EPB41L1: variants seen among roughly 807,000 people sequenced by gnomAD.
EPB41L1 encodes the protein erythrocyte membrane protein band 4.1 like 1, also known as band 4.1-like protein 1.
EPB41L1 carries 29 observed loss-of-function variants against 97.8 expected under a neutral mutation model. The ratio of observed to expected loss-of-function variants is 0.30; its 90% CI spans 0.22 to 0.40. The LOEUF (loss-of-function observed/expected upper bound fraction) is 0.40. EPB41L1 is among the 10% of genes least tolerant of loss of function. The pLI is 1.00. For synonymous variants in EPB41L1, 383 were observed against 459.2 expected (o/e 0.83, Z 2.12); for missense variants, 812 against 1,162.3 (o/e 0.70, Z 4.38).
intron 2 of EPB41L1, among the ~76,000 whole-genome samples, chr20:36,130,787 T>TTCTCTC (rs35428172): frequency 3.1e-4 from 45 of 143,754 alleles, no homozygotes; most frequent in African/African-American, 4.9e-4. Flanking sequence ...TTTTAAAAAT[T>TTCTCTC]TCTCTCTCTC....
chr20:36,192,368 T>G (rs569200930), intron 11 of EPB41L1, among the ~76,000 whole-genome samples: 2 of 151,872 alleles, frequency 1.3e-5, no homozygotes, highest in South Asian at 4.2e-4. Context: ...TCGTCTCTAC[T>G]AAAAATACAA....
intron 14 of EPB41L1, among the ~76,000 whole-genome samples, chr20:36,201,170 C>T (rs1363996185): frequency 6.6e-6 from 1 of 152,216 alleles, no homozygotes; most frequent in Non-Finnish European, 1.5e-5. Flanking sequence ...CCATAAAGGG[C>T]CAGCCCCTCC....
chr20:36,202,158 GC>G (rs936793725), intron 14 of EPB41L1, among the ~76,000 whole-genome samples: 2 of 152,206 alleles, frequency 1.3e-5, no homozygotes, highest in African/African-American at 4.8e-5. Flanking sequence ...AAGGACAGGT[GC>G]CCATTTGGGG....
In EPB41L1 at chr20:36,195,508, C is replaced by T. The variant is rs1324444086; in HGVS notation, c.1485+144C>T. 1.0e-6 allele frequency: 1 copy of T among 987,992 alleles called. No individual in the cohort carries two copies. The highest frequency in any genetic ancestry group is 1.6e-6 in the Non-Finnish European group (1 of 638,998). 61.2% of individuals were successfully genotyped at this position (987,992 alleles called of 1,614,324 possible). A position where few individuals can be genotyped will look rare whatever the true frequency, so the allele number is the denominator to read the frequency against. On this transcript the variant is annotated intron_variant, in intron 13 of 21. Coordinates refer to ENST00000338074, the MANE Select transcript of EPB41L1 (RefSeq NM_012156.2). This position sits in a 1 kb window ranked among gnomAD's most constrained non-coding sequence, Gnocchi z 4.6. ...TCTGCTCCCCAGCCATCCCCCTCTG[C>T]AGCCGTCCTTGCTCCCCACTCCGCC...
chr20:36,107,586 T>C (rs2058237570), intron 1 of EPB41L1, among the ~76,000 whole-genome samples: 1 of 151,124 alleles, frequency 6.6e-6, no homozygotes, highest in Admixed American at 6.6e-5. Context: ...TCCCAGCCCT[T>C]TGGGAGGCCG....
chr20:36,205,212 G>A (rs980088565), intron 14 of EPB41L1, among the ~76,000 whole-genome samples: 1 of 152,194 alleles, frequency 6.6e-6, no homozygotes, highest in African/African-American at 2.4e-5. Context: ...GCTGTGGCCT[G>A]TGGAACTTAA....
At position 36,093,265 on chromosome 20, in the gene EPB41L1, C is replaced by T. The variant is rs1425406229; in HGVS notation, c.-65+1653C>T. Among the ~76,000 whole-genome samples, 2 of 151,616 alleles carry T rather than the reference C, an allele frequency of 1.3e-5. No individual in the cohort carries two copies. Among genetic ancestry groups the T allele is most frequent in the African/African-American group, 4.9e-5 (2 of 41,218 alleles). The stretch of plus-strand genomic sequence containing the variant: ...CGAATGTGTAGCAGTGTGTACACCT[C>T]TGGGTGAGGGCGTGTGCCAGTGGCT... On this transcript the variant is annotated intron_variant, in intron 1 of 19. Coordinates refer to the EPB41L1 transcript ENST00000202028. The surrounding 1 kb of genome is among the most constrained non-coding windows in gnomAD (Gnocchi z 5.4).
intron 21 of EPB41L1, among the ~76,000 whole-genome samples, chr20:36,224,610 C>T (rs1263457085): frequency 6.6e-6 from 1 of 152,168 alleles, no homozygotes. Flanking sequence ...GGCACTATTG[C>T]ACTTCAGCCT....
chr20:36,158,386 G>A (rs2060397727), intron 1 of EPB41L1, among the ~76,000 whole-genome samples: 1 of 152,162 alleles, frequency 6.6e-6, no homozygotes, highest in African/African-American at 2.4e-5. Context: ...TTGGTGCTCA[G>A]GGAAGGCTTC....
intron 2 of EPB41L1, among the ~76,000 whole-genome samples, chr20:36,144,379 C>G (rs998628364): frequency 6.6e-6 from 1 of 152,196 alleles, no homozygotes; most frequent in Non-Finnish European, 1.5e-5. Context: ...GTACCATTTT[C>G]CATACCCTCT....
At chr20:36,192,764 T>C (rs750502933) in intron 11 of EPB41L1, among the ~76,000 whole-genome samples, 1 of 152,132 alleles carries the variant, frequency 6.6e-6, no homozygotes, top group Non-Finnish European at 1.5e-5. Context: ...AAGCATTTGT[T>C]GTGGTTCAAG....
At chr20:36,129,269 A>G (rs1302504802) in intron 2 of EPB41L1, among the ~76,000 whole-genome samples, 1 of 152,140 alleles carries the variant, frequency 6.6e-6, no homozygotes, top group Non-Finnish European at 1.5e-5. Flanking sequence ...AATTCTGACC[A>G]GGCTCTTGTA....
At chr20:36,214,965 A>G (rs1446983008) in intron 17 of EPB41L1, among the ~76,000 whole-genome samples, 1 of 151,616 alleles carries the variant, frequency 6.6e-6, no homozygotes, top group South Asian at 2.1e-4. Flanking sequence ...TGTCTGACCC[A>G]TGAAGGAAGG....
At position 36,119,077 on chromosome 20, in the gene EPB41L1, T is replaced by C. The variant is rs138981184; in HGVS notation, c.-10+6597T>C. 9.1e-4 allele frequency among the ~76,000 whole-genome samples: 139 copies of C among 152,362 alleles called. 1 individual carries two copies. Among genetic ancestry groups the C allele is most frequent in the African/African-American group, 3.2e-3 (135 of 41,590 alleles). ...TGAGATGCTGAGATACTGATATCAA[T>C]GTGACAAGACCTCTCTCATTCCCCA... is the stretch of plus-strand genomic sequence containing the variant. On this transcript the variant is annotated intron_variant, in intron 2 of 19. Coordinates refer to the EPB41L1 transcript ENST00000202028.
intron 14 of EPB41L1, among the ~76,000 whole-genome samples, chr20:36,202,097 C>A (rs189497406): frequency 4.6e-5 from 7 of 152,320 alleles, no homozygotes; most frequent in Admixed American, 1.3e-4. Flanking sequence ...CAACAGCATA[C>A]CAAGGACAGG....
At chr20:36,205,823 C>T (rs1421811401) in intron 14 of EPB41L1, 2 of 1,265,196 alleles carry the variant, frequency 1.6e-6, no homozygotes, top group East Asian at 5.7e-5. Flanking sequence ...TTCATGTTAA[C>T]TCTTCTTGCT....
At chr20:36,145,614 C>A (rs1370525761) in intron 2 of EPB41L1, among the ~76,000 whole-genome samples, 1 of 152,146 alleles carries the variant, frequency 6.6e-6, no homozygotes, top group Non-Finnish European at 1.5e-5. Context: ...TCCTAAAGCC[C>A]AGCTCTAATT....
At chr20:36,101,020 G>GT (rs2057999183) in intron 1 of EPB41L1, among the ~76,000 whole-genome samples, 1 of 152,100 alleles carries the variant, frequency 6.6e-6, no homozygotes, top group African/African-American at 2.4e-5. Flanking sequence ...CCTAGTTATT[G>GT]TTTTGTCTCT....
intron 2 of EPB41L1, among the ~76,000 whole-genome samples, chr20:36,142,262 T>C (rs1244990772): frequency 6.6e-6 from 1 of 152,252 alleles, no homozygotes. Flanking sequence ...CATTATTTTG[T>C]GTGGCTGCGT....
Sources: gnomAD v4.1 joint callset for allele counts (sites outside exome capture counted in the v4.1 genomes callset) on GRCh38, gnomAD v4.1.1 for gene constraint, Gnocchi (gnomAD v3.1) non-coding constraint, MANE v1.5 for transcripts, NCBI Gene and HGNC (gene_info 2026-07-23, HGNC 2026-07-21) for gene names.